The following SLC12A8 variants were observed in gnomAD, a reference collection of about 807,000 sequenced individuals.
The protein encoded by SLC12A8 is cation-chloride cotransporter 9.
SLC12A8 carries 69 observed loss-of-function variants against 75.6 expected under a neutral mutation model. The observed-to-expected ratio is 0.91, with a 90% confidence interval of 0.75 to 1.11. SLC12A8 has a LOEUF of 1.11. Among genes scored for constraint, SLC12A8 ranks in the 50% most tolerant of loss-of-function variants. SLC12A8 has a pLI of 0.00. For synonymous variants in SLC12A8, 365 were observed against 372.8 expected, an observed-to-expected ratio of 0.98 and a Z score of 0.24; for missense variants, 877 against 896.7, an observed-to-expected ratio of 0.98 and a Z score of 0.28.
chr3:125,124,643 G>A (rs923717449), intron 6 of SLC12A8, among the ~76,000 whole-genome samples: 6 of 151,978 alleles, frequency 3.9e-5, no homozygotes, highest in African/African-American at 1.5e-4. Flanking sequence ...TTGTTATAGG[G>A]GCTCACACAC....
intron 9 of SLC12A8, among the ~76,000 whole-genome samples, chr3:125,108,813 C>T (rs770873767): frequency 1.3e-5 from 2 of 152,160 alleles, no homozygotes; most frequent in Non-Finnish European, 2.9e-5. Context: ...AGGCAGATTG[C>T]GGAAGACACA....
At chr3:125,105,813 T>C (rs565240377) in intron 10 of SLC12A8, among the ~76,000 whole-genome samples, 46 of 152,212 alleles carry the variant, frequency 3.0e-4, no homozygotes, top group African/African-American at 1.1e-3. Context: ...GTAGATCACT[T>C]GAGGTCAGGA....
chr3:125,117,029 G>A (rs1939328800), intron 8 of SLC12A8, among the ~76,000 whole-genome samples: 1 of 152,212 alleles, frequency 6.6e-6, no homozygotes, highest in Non-Finnish European at 1.5e-5. Context: ...GTACTGGAAA[G>A]TGGGTATCAG....
intron 4 of SLC12A8, among the ~76,000 whole-genome samples, chr3:125,181,624 A>AG (rs1318845751): frequency 3.4e-5 from 5 of 147,646 alleles, no homozygotes; most frequent in African/African-American, 7.3e-5. Flanking sequence ...AAAAAAAAAA[A>AG]AAAGAAAAAT....
chr3:125,142,342 C>T (rs1005847207), intron 5 of SLC12A8, among the ~76,000 whole-genome samples: 2 of 152,186 alleles, frequency 1.3e-5, no homozygotes, highest in African/African-American at 4.8e-5. Context: ...GCAGGCCTGG[C>T]CTCCCTGGGC....
chr3:125,087,296 T>C (rs909744590), intron 13 of SLC12A8, among the ~76,000 whole-genome samples: 1 of 152,154 alleles, frequency 6.6e-6, no homozygotes, highest in Non-Finnish European at 1.5e-5. Flanking sequence ...TTTCACTATG[T>C]TAGCCAGGCT....
chr3:125,176,855 G>T (rs918443541), intron 5 of SLC12A8, among the ~76,000 whole-genome samples: 8 of 149,272 alleles, frequency 5.4e-5, no homozygotes, highest in Admixed American at 5.3e-4. Context: ...GCAGAAATAG[G>T]AACACTTTTA....
chr3:125,211,909 G>A (rs1019152150), intron 1 of SLC12A8, among the ~76,000 whole-genome samples: 1 of 152,118 alleles, frequency 6.6e-6, no homozygotes, highest in African/African-American at 2.4e-5. Flanking sequence ...GATTGAAGAG[G>A]GTGAGTGAGA....
intron 13 of SLC12A8, chr3:125,088,108 A>G: frequency 1.7e-6 from 1 of 583,464 alleles, no homozygotes; most frequent in South Asian, 2.2e-5. Flanking sequence ...AGCCTAGAGG[A>G]AGCTTCTGAT....
chr3:125,181,074 G>A (rs1224140696), intron 4 of SLC12A8, among the ~76,000 whole-genome samples: 1 of 152,006 alleles, frequency 6.6e-6, no homozygotes, highest in African/African-American at 2.4e-5. Flanking sequence ...GACTTCTGAG[G>A]GTAGACTGTC....
rs200851560 is a variant in SLC12A8 at position 125,110,250 on chromosome 3, C to G, written c.998G>C (p.Arg333Pro). The change falls in exon 9 of 14, where the codon CGC becomes CCC. Residue 333 changes from arginine (R) to proline (P), a missense_variant. Arg to Pro is a moderately radical substitution (Grantham distance 103). Transcript: ENST00000469902. The part of the protein sequence containing the change: ...SCMGGLYGAP[R>P]ILQCIAQEKV... ...CTCCTGGGCAATGCACTGCAGGATG[C>G]GGGGAGCTCCATAAAGTCCTCCCAT... 4.3e-6 allele frequency: 7 copies of G among 1,613,952 alleles called. No homozygotes were observed. Among genetic ancestry groups the G allele is most frequent in the Non-Finnish European group, 4.2e-6 (5 of 1,179,884 alleles).
chr3:125,104,833 C>G (rs954768111), intron 10 of SLC12A8, among the ~76,000 whole-genome samples: 1 of 152,092 alleles, frequency 6.6e-6, no homozygotes, highest in Non-Finnish European at 1.5e-5. Context: ...TTTCCCTCCC[C>G]TTTTTCTAGT....
intron 3 of SLC12A8, among the ~76,000 whole-genome samples, chr3:125,187,630 C>A (rs990222382): frequency 6.6e-6 from 1 of 152,138 alleles, no homozygotes; most frequent in East Asian, 1.9e-4. Flanking sequence ...TGAAAGGAAG[C>A]GTCCTGGCTG....
At chr3:125,122,937 G>T (rs2107752461) in intron 6 of SLC12A8, among the ~76,000 whole-genome samples, 1 of 151,964 alleles carries the variant, frequency 6.6e-6, no homozygotes, top group Non-Finnish European at 1.5e-5. Context: ...TATAAAACAA[G>T]GTGCTATGAA....
Position 125,205,925 on chromosome 3 carries a change from T to A in SLC12A8, c.51+5374A>T, listed in dbSNP as rs1354847003. Among the ~76,000 whole-genome samples the A allele has an allele frequency of 1.3e-5, 2 of 152,180 alleles. 1 individual carries two copies. Among genetic ancestry groups the A allele is most frequent in the Non-Finnish European group, 2.9e-5 (2 of 68,040 alleles). Reference sequence around the variant, plus strand: ...AGCCCTGCTCTTCCACCCAACCATTTGGGCCCCAGTGTCCTCATCTTAAAA... The same window carrying A: ...AGCCCTGCTCTTCCACCCAACCATTAGGGCCCCAGTGTCCTCATCTTAAAA... On this transcript the variant is annotated intron_variant, in intron 2 of 13. Coordinates refer to ENST00000469902, the MANE Select transcript of SLC12A8 (RefSeq NM_024628.6).
At position 125,193,123 on chromosome 3, in the gene SLC12A8, C is replaced by T. The variant is rs371554938; in HGVS notation, c.52-2602G>A. 4.3e-4 allele frequency among the ~76,000 whole-genome samples: 65 copies of T among 152,326 alleles called. 2 individuals are homozygous for T. The highest frequency in any genetic ancestry group is 1.5e-3 in the African/African-American group (64 of 41,570). On this transcript the variant is annotated intron_variant, in intron 2 of 13. Coordinates refer to ENST00000469902, the MANE Select transcript of SLC12A8 (RefSeq NM_024628.6). ...GTGGCTCATGCCTGTAATCCCAGCA[C>T]TTTTGGAGGCTGAGGTGGGTGGATC...
chr3:125,122,358 G>A (rs1933087266), intron 6 of SLC12A8, among the ~76,000 whole-genome samples: 1 of 152,018 alleles, frequency 6.6e-6, no homozygotes, highest in Non-Finnish European at 1.5e-5. Context: ...TGTTGTTTTT[G>A]TTTTTGTTTT....
chr3:125,201,127 G>A (rs968760794), intron 2 of SLC12A8, among the ~76,000 whole-genome samples: 3 of 152,112 alleles, frequency 2.0e-5, no homozygotes, highest in South Asian at 2.1e-4. Context: ...GGCTGGACAC[G>A]GTGGCTCACA....
chr3:125,122,646 C>T (rs1024094784), intron 6 of SLC12A8, among the ~76,000 whole-genome samples: 1 of 152,150 alleles, frequency 6.6e-6, no homozygotes, highest in South Asian at 2.1e-4. Flanking sequence ...CGTTTGCACC[C>T]CAAATAAAGC....
Sources: gnomAD v4.1 joint callset for allele counts (sites outside exome capture counted in the v4.1 genomes callset) on GRCh38, gnomAD v4.1.1 for gene constraint, MANE v1.5 for transcripts, NCBI Gene and HGNC (gene_info 2026-07-23, HGNC 2026-07-21) for gene names.